Variants in CNOT10 observed in about 807,000 individuals in gnomAD.
CNOT10 encodes CCR4-NOT transcription complex, subunit 10.
Under a neutral mutation model 94.6 loss-of-function variants are expected in CNOT10, and 30 were observed. The ratio of observed to expected loss-of-function variants is 0.32; its 90% CI spans 0.24 to 0.43. The LOEUF is 0.43. Ranked by LOEUF, CNOT10 falls within the 20% of genes least tolerant of loss-of-function variation. The probability of loss-of-function intolerance (pLI) is 1.00; values close to 1 mark genes in which losing one functional copy is unlikely to be tolerated. For synonymous variants in CNOT10, 289 were observed against 301.6 expected, an observed-to-expected ratio of 0.96 and a Z score of 0.43; for missense variants, 759 against 877.2, an observed-to-expected ratio of 0.87 and a Z score of 1.70.
intron 3 of CNOT10, among the ~76,000 whole-genome samples, chr3:32,705,983 T>G (rs1006951014): frequency 6.6e-6 from 1 of 152,222 alleles, no homozygotes; most frequent in Non-Finnish European, 1.5e-5. Flanking sequence ...TCTCATATAA[T>G]CCTCACATTC....
rs188201620 is a variant in CNOT10 at position 32,696,246 on chromosome 3, G to A, written c.23-7622G>A. Among the ~76,000 whole-genome samples, 10 of 152,054 alleles carry A rather than the reference G, an allele frequency of 6.6e-5. No homozygotes were observed. The East Asian group carries it at 1.9e-3, about 30-fold the overall frequency. On this transcript the variant is annotated intron_variant, in intron 1 of 18. Transcript: ENST00000328834. ...CAGGAGAATCACTTGAACCTGGGAA[G>A]CAGAGGTTGCGGTGAGCTGGGATTG...
In CNOT10 at chr3:32,720,166, A is replaced by C; in HGVS notation, c.797A>C (p.Tyr266Ser). 3 of 1,559,902 alleles carry C rather than the reference A, an allele frequency of 1.9e-6. No individual in the cohort carries two copies. The highest frequency in any genetic ancestry group is 2.6e-6 in the Non-Finnish European group (3 of 1,140,916). The change falls in exon 8 of 19, where the codon TAT becomes TCT. Residue 266 changes from tyrosine to serine, a missense_variant. By Grantham distance (144) the Tyr-to-Ser change is moderately radical. Around this residue, in one of 3 missense-constraint regions of CNOT10, gnomAD observed 682 missense variants for 799.4 expected, o/e 0.85. Transcript: ENST00000328834. ...AATTTTGAGTACTTAAGAGGTAATT[A>C]TCGAAAAGCCGTGAAGCTATTAAAT... is the stretch of plus-strand genomic sequence containing the variant. ...KSNFEYLRGN[Y>S]RKAVKLLNSS...
At chr3:32,755,851 TG>T (rs150806867) in intron 13 of CNOT10, among the ~76,000 whole-genome samples, 3,285 of 143,372 alleles carry the variant, frequency 0.023, 49 homozygotes, top group East Asian at 0.049. Flanking sequence ...AAGGGGAGAG[TG>T]GGGTTTTGTC....
intron 1 of CNOT10, among the ~76,000 whole-genome samples, chr3:32,701,432 A>G (rs953101501): frequency 6.6e-6 from 1 of 152,106 alleles, no homozygotes; most frequent in Admixed American, 6.6e-5. Flanking sequence ...CCAAAAAACA[A>G]TGACCTAATG....
intron 13 of CNOT10, among the ~76,000 whole-genome samples, chr3:32,744,283 A>G (rs1289474912): frequency 6.6e-6 from 1 of 152,136 alleles, no homozygotes; most frequent in Non-Finnish European, 1.5e-5. Context: ...AAATGTGACT[A>G]GTATATAGTT....
intron 13 of CNOT10, among the ~76,000 whole-genome samples, chr3:32,755,803 G>T (rs1215429587): frequency 6.7e-6 from 1 of 150,290 alleles, no homozygotes; most frequent in African/African-American, 2.5e-5. Context: ...CCAAGGATGG[G>T]CATTCTGGGG....
At chr3:32,764,140 C>A in intron 15 of CNOT10, 1 of 240,110 alleles carries the variant, frequency 4.2e-6, no homozygotes. Context: ...AAAAAAAAAC[C>A]AGCCTGACCA....
intron 13 of CNOT10, chr3:32,753,065 T>C (rs1281313205): frequency 1.8e-5 from 9 of 511,344 alleles, no homozygotes; most frequent in Non-Finnish European, 3.1e-5. Context: ...GTCAAAGAGC[T>C]TATTGTCACA....
Position 32,713,231 on chromosome 3 carries a change from A to C in CNOT10, c.435A>C (p.Glu145Asp). The C allele has an allele frequency of 1.3e-6, 2 of 1,563,518 alleles. 1 individual carries two copies. The highest frequency in any genetic ancestry group is 2.4e-5 in the South Asian group (2 of 82,388). ...KLYQFIEPFE[E>D]KFAQAVCFLL... ...TCTGTGTTTTTTTTCTCCCAGAAGA[A>C]AAATTTGCCCAAGCAGTGTGTTTTT... The change falls in exon 5 of 19, where the codon GAA becomes GAC. Residue 145 changes from glutamate to aspartate, a missense_variant. By Grantham distance (45) the Glu-to-Asp change is conservative. Coordinates refer to ENST00000328834, the MANE Select transcript of CNOT10 (RefSeq NM_015442.3).
At chr3:32,738,851 TA>T (rs777141033) in intron 13 of CNOT10, among the ~76,000 whole-genome samples, 51 of 152,166 alleles carry the variant, frequency 3.4e-4, no homozygotes, top group African/African-American at 8.7e-4. Flanking sequence ...TTGTTCATAA[TA>T]TTTTTTTTAC....
At chr3:32,725,131 C>A (rs1462737005) in intron 8 of CNOT10, among the ~76,000 whole-genome samples, 1 of 151,448 alleles carries the variant, frequency 6.6e-6, no homozygotes, top group Non-Finnish European at 1.5e-5. Flanking sequence ...CCCAGGAGTT[C>A]GAAACCAGGG....
intron 1 of CNOT10, 48 bp downstream of exon 1, chr3:32,685,530 CG>C (rs1175113131): frequency 6.5e-7 from 1 of 1,546,884 alleles, no homozygotes; most frequent in South Asian, 1.2e-5. Flanking sequence ...CGTGCGGGGC[CG>C]GGCGGACCCT....
chr3:32,702,358 G>T (rs1697392119), intron 1 of CNOT10, among the ~76,000 whole-genome samples: 2 of 147,638 alleles, frequency 1.4e-5, no homozygotes, highest in African/African-American at 4.9e-5. Context: ...GTTCAGCTGA[G>T]ATTTTTACCT....
intron 13 of CNOT10, among the ~76,000 whole-genome samples, chr3:32,755,322 T>TTTC (rs924104384): frequency 1.4e-5 from 2 of 146,766 alleles, no homozygotes; most frequent in Non-Finnish European, 3.0e-5. Flanking sequence ...TCTTTTTCTT[T>TTTC]TTTTTTTTTT....
At chr3:32,716,177 T>C (rs1698109919) in intron 5 of CNOT10, 48 bp from the exon 6 acceptor site, 3 of 1,013,176 alleles carry the variant, frequency 3.0e-6, no homozygotes, top group African/African-American at 1.7e-5. Context: ...ATTTAAATTA[T>C]GGTCAAAAAT....
At chr3:32,690,285 A>G (rs1180514744) in intron 1 of CNOT10, among the ~76,000 whole-genome samples, 1 of 152,208 alleles carries the variant, frequency 6.6e-6, no homozygotes, top group African/African-American at 2.4e-5. Flanking sequence ...TTTAAGCTTC[A>G]GCTTTCCTGC....
At chr3:32,757,703 A>G (rs959936748) in intron 13 of CNOT10, among the ~76,000 whole-genome samples, 10 of 152,148 alleles carry the variant, frequency 6.6e-5, no homozygotes, top group African/African-American at 2.4e-4. Flanking sequence ...ATGAGAGATA[A>G]CTAGCCTCCT....
chr3:32,712,966 G>A (rs1257952150), intron 4 of CNOT10, among the ~76,000 whole-genome samples: 2 of 152,190 alleles, frequency 1.3e-5, no homozygotes, highest in East Asian at 3.8e-4. Flanking sequence ...CTCATTACAT[G>A]TGCTAGTGTT....
At chr3:32,742,254 A>G (rs1311543640) in intron 13 of CNOT10, among the ~76,000 whole-genome samples, 1 of 152,072 alleles carries the variant, frequency 6.6e-6, no homozygotes, top group Non-Finnish European at 1.5e-5. Context: ...TGTTATAGGC[A>G]CTTTTTACTT....
Sources: allele counts gnomAD v4.1 joint callset (sites outside exome capture counted in the v4.1 genomes callset), GRCh38; gene constraint gnomAD v4.1.1; regional missense constraint gnomAD v4.1.1; transcripts MANE v1.5; gene names NCBI Gene and HGNC (gene_info 2026-07-23, HGNC 2026-07-21).